Variants in ADCY2 observed in about 807,000 individuals in gnomAD.
The protein encoded by ADCY2 is adenylate cyclase type 2.
Under a neutral mutation model 125.2 loss-of-function variants are expected in ADCY2, and 31 were observed. That is an observed-to-expected ratio of 0.25 (90% CI 0.19 to 0.33). The LOEUF (loss-of-function observed/expected upper bound fraction) is 0.33, where lower values mean the gene tolerates loss of function less well. ADCY2 is among the 10% of genes least tolerant of loss of function. ADCY2 has a pLI of 1.00. For missense variants in ADCY2, 904 were observed against 1,418.2 expected (o/e 0.64, Z 5.82); for synonymous variants, 512 against 548.4 (o/e 0.93, Z 0.93).
At chr5:7,623,527 G>A (rs1487487715) in intron 3 of ADCY2, among the ~76,000 whole-genome samples, 3 of 152,326 alleles carry the variant, frequency 2.0e-5, no homozygotes, top group East Asian at 3.9e-4. Flanking sequence ...ATCAACTCCT[G>A]TTCAGCTAGT....
chr5:7,563,253 C>G (rs1391801953), intron 3 of ADCY2, among the ~76,000 whole-genome samples: 2 of 152,116 alleles, frequency 1.3e-5, no homozygotes, highest in African/African-American at 4.8e-5. Flanking sequence ...GAGGGAAATC[C>G]TTAATTTTCC....
chr5:7,607,583 G>A (rs369348187), intron 3 of ADCY2, among the ~76,000 whole-genome samples: 3 of 152,140 alleles, frequency 2.0e-5, no homozygotes, highest in South Asian at 2.1e-4. Flanking sequence ...GCTTTATTTC[G>A]CCTTTCCAAT....
intron 2 of ADCY2, among the ~76,000 whole-genome samples, chr5:7,441,655 A>G (rs1245898267): frequency 6.6e-6 from 1 of 152,160 alleles, no homozygotes; most frequent in Non-Finnish European, 1.5e-5. Context: ...GATATTTGTG[A>G]TGGTTAGTTT....
chr5:7,431,113 T>C (rs747555880), intron 2 of ADCY2, among the ~76,000 whole-genome samples: 15 of 152,148 alleles, frequency 9.9e-5, no homozygotes, highest in Non-Finnish European at 1.8e-4. Context: ...AAGCAGGACA[T>C]GGAGATCTTA....
chr5:7,499,467 G>C (rs1192680530), intron 2 of ADCY2, among the ~76,000 whole-genome samples: 2 of 151,768 alleles, frequency 1.3e-5, no homozygotes, highest in African/African-American at 4.8e-5. Context: ...TTTGTATTTT[G>C]ATGCCACACT....
intron 2 of ADCY2, among the ~76,000 whole-genome samples, chr5:7,431,665 G>T (rs967983725): frequency 6.6e-5 from 10 of 151,980 alleles, no homozygotes; most frequent in African/African-American, 2.4e-4. Flanking sequence ...AAAAATAGTT[G>T]CAAATCATTA....
chr5:7,516,913 G>T (rs1478078850), intron 2 of ADCY2, among the ~76,000 whole-genome samples: 2 of 152,110 alleles, frequency 1.3e-5, no homozygotes, highest in Non-Finnish European at 2.9e-5. Flanking sequence ...ATCCTAAAAT[G>T]AGAAGACCCT....
intron 2 of ADCY2, among the ~76,000 whole-genome samples, chr5:7,471,835 A>T (rs574612611): frequency 6.6e-6 from 1 of 151,952 alleles, no homozygotes; most frequent in African/African-American, 2.4e-5. Context: ...TTTCTCTTCA[A>T]TATTTTAAAG....
chr5:7,820,272 C>A (rs773841793), intron 23 of ADCY2, among the ~76,000 whole-genome samples: 9 of 152,118 alleles, frequency 5.9e-5, no homozygotes, highest in Non-Finnish European at 1.0e-4. Context: ...ACAGGTGAAT[C>A]TCCTGAGCTC....
chr5:7,702,740 C>T (rs1234529420), intron 7 of ADCY2, among the ~76,000 whole-genome samples: 1 of 152,198 alleles, frequency 6.6e-6, no homozygotes, highest in Non-Finnish European at 1.5e-5. Context: ...TGGGTACATA[C>T]CCAGTAATGG....
chr5:7,573,533 T>C (rs1736131013), intron 3 of ADCY2, among the ~76,000 whole-genome samples: 1 of 149,944 alleles, frequency 6.7e-6, no homozygotes, highest in East Asian at 2.0e-4. Context: ...TAATCAACAA[T>C]ATAAGTTACA....
chr5:7,772,862 T>C (rs781405008), intron 17 of ADCY2, 70 bp from the exon 18 acceptor site: 8 of 1,480,672 alleles, frequency 5.4e-6, no homozygotes, highest in Admixed American at 1.7e-5. Flanking sequence ...GGTGGTCCCC[T>C]GATTGTAATT....
At chr5:7,539,043 A>G (rs1038307682) in intron 3 of ADCY2, among the ~76,000 whole-genome samples, 2 of 151,630 alleles carry the variant, frequency 1.3e-5, no homozygotes, top group African/African-American at 4.8e-5. Context: ...TTTTATCTTT[A>G]GTAGAGACAG....
intron 2 of ADCY2, among the ~76,000 whole-genome samples, chr5:7,520,415 A>G (rs1579530405): frequency 6.6e-6 from 1 of 152,158 alleles, no homozygotes; most frequent in African/African-American, 2.4e-5. Flanking sequence ...GATCACTTCA[A>G]GAATCCTCAG....
intron 22 of ADCY2, among the ~76,000 whole-genome samples, chr5:7,814,175 T>C (rs1164898223): frequency 6.6e-6 from 1 of 152,228 alleles, no homozygotes; most frequent in Non-Finnish European, 1.5e-5. Context: ...AAGTTGAGAA[T>C]TTACTGCAAT....
At chr5:7,778,187 A>C (rs1408815230) in intron 18 of ADCY2, among the ~76,000 whole-genome samples, 6 of 152,222 alleles carry the variant, frequency 3.9e-5, no homozygotes, top group African/African-American at 1.4e-4. Context: ...TTTTGTCTCA[A>C]AGACACTTAT....
intron 3 of ADCY2, among the ~76,000 whole-genome samples, chr5:7,607,144 C>G (rs1445231318): frequency 6.6e-6 from 1 of 152,200 alleles, no homozygotes; most frequent in Non-Finnish European, 1.5e-5. Context: ...TTGCTCATCT[C>G]TCTTTCCTAT....
At chr5:7,497,785 A>T (rs1033449824) in intron 2 of ADCY2, among the ~76,000 whole-genome samples, 17 of 152,218 alleles carry the variant, frequency 1.1e-4, no homozygotes, top group Admixed American at 2.6e-4. Context: ...GAAATAATGT[A>T]TTTAATTTGG....
chr5:7,466,793 G>A (rs192508366), intron 2 of ADCY2, among the ~76,000 whole-genome samples: 75 of 152,216 alleles, frequency 4.9e-4, no homozygotes, highest in African/African-American at 1.4e-3. Context: ...AAAAATAATA[G>A]CAAGTAACAA....
Sources: allele counts gnomAD v4.1 joint callset (sites outside exome capture counted in the v4.1 genomes callset), GRCh38; gene constraint gnomAD v4.1.1; transcripts MANE v1.5; gene names NCBI Gene and HGNC (gene_info 2026-07-23, HGNC 2026-07-21).